Variants in EFNA5 observed in about 807,000 individuals in gnomAD.
EFNA5 encodes the protein ephrin-A5.
A neutral mutation model predicts 22.9 loss-of-function variants in EFNA5; 5 were observed. The ratio of observed to expected loss-of-function variants is 0.22; its 90% CI spans 0.11 to 0.46. The LOEUF (loss-of-function observed/expected upper bound fraction) is 0.46. Ranked by LOEUF, EFNA5 falls within the 20% of genes least tolerant of loss-of-function variation. The pLI is 0.99. For synonymous variants in EFNA5, 113 were observed against 112.2 expected (o/e 1.01, Z -0.04); for missense variants, 237 against 293.3 (o/e 0.81, Z 1.40).
intron 1 of EFNA5, among the ~76,000 whole-genome samples, chr5:107,482,808 CTCTCTGTCTCTCTCTCTG>C (rs1241096594): frequency 1.7e-3 from 155 of 89,226 alleles, no homozygotes; most frequent in African/African-American, 6.5e-3. Context: ...CTCTCTCTCT[CTCTCTGTCTCTCTCTCTG>C]TCTCTGTCTC....
chr5:107,447,328 A>C (rs1322109657), intron 1 of EFNA5, among the ~76,000 whole-genome samples: 2 of 152,232 alleles, frequency 1.3e-5, no homozygotes, highest in African/African-American at 2.4e-5. Context: ...TACGCATTTG[A>C]GCAATATGAT....
chr5:107,427,403 C>T lies in EFNA5; in HGVS notation c.232G>A (p.Val78Ile), dbSNP rs1211054021. ...SVPEDKTERY[V>I]LYMVNFDGYS... ...CCATCAAAGTTCACCATGTAGAGGA[C>T]ATAGCGCTCAGTCTTATCTTCTGGG... Residue 78 changes from valine (V) to isoleucine (I), a missense_variant, in exon 2 of 5, where the codon GTC (valine) becomes ATC (isoleucine). Physicochemically the swap from Val to Ile is conservative, Grantham distance 29. Coordinates refer to ENST00000333274, the MANE Select transcript of EFNA5 (RefSeq NM_001962.3). 1.2e-6 allele frequency: 2 copies of T among 1,613,894 alleles called. No individual in the cohort carries two copies. Among genetic ancestry groups the T allele is most frequent in the African/African-American group, 2.7e-5 (2 of 74,870 alleles).
At chr5:107,609,620 G>C (rs919183024) in intron 1 of EFNA5, among the ~76,000 whole-genome samples, 1 of 152,180 alleles carries the variant, frequency 6.6e-6, no homozygotes, top group Non-Finnish European at 1.5e-5. Flanking sequence ...CACCACCAAA[G>C]TCGCCTCACC....
chr5:107,482,308 C>CA (rs11400186), intron 1 of EFNA5, among the ~76,000 whole-genome samples: 12,676 of 137,114 alleles, frequency 0.092, 1,225 homozygotes, highest in African/African-American at 0.23. Context: ...GATCTTGTCT[C>CA]AAAAAAAAAA....
intron 1 of EFNA5, among the ~76,000 whole-genome samples, chr5:107,505,538 C>T (rs1747234980): frequency 6.6e-6 from 1 of 152,138 alleles, no homozygotes; most frequent in East Asian, 1.9e-4. Flanking sequence ...GAATCTGGCA[C>T]ATATCACTGA....
chr5:107,489,641 G>A (rs1746745191), intron 1 of EFNA5, among the ~76,000 whole-genome samples: 1 of 146,206 alleles, frequency 6.8e-6, no homozygotes, highest in Admixed American at 6.8e-5. Context: ...AGCATTTTGT[G>A]ATTGATTTGA....
chr5:107,490,124 T>C (rs1746761503), intron 1 of EFNA5, among the ~76,000 whole-genome samples: 1 of 152,214 alleles, frequency 6.6e-6, no homozygotes, highest in Non-Finnish European at 1.5e-5. Flanking sequence ...AGGATTATGT[T>C]ATTCCTTGAT....
chr5:107,633,209 C>T (rs1392441183), intron 1 of EFNA5, among the ~76,000 whole-genome samples: 2 of 152,124 alleles, frequency 1.3e-5, no homozygotes, highest in South Asian at 2.1e-4. Flanking sequence ...GGTCCTTTCC[C>T]GAAGTGAACT....
intron 1 of EFNA5, among the ~76,000 whole-genome samples, chr5:107,432,787 C>A (rs1748998285): frequency 6.6e-6 from 1 of 152,098 alleles, no homozygotes; most frequent in African/African-American, 2.4e-5. Flanking sequence ...ATAGTTGACC[C>A]TTGAGCAACA....
At chr5:107,565,928 A>T (rs164972) in intron 1 of EFNA5, among the ~76,000 whole-genome samples, 85,682 of 152,102 alleles carry the variant, frequency 0.56, 26,060 homozygotes, top group African/African-American at 0.81. Context: ...TCATTCAGTG[A>T]CTAAACACAT....
At chr5:107,658,536 G>A (rs959045834) in intron 1 of EFNA5, among the ~76,000 whole-genome samples, 1 of 152,090 alleles carries the variant, frequency 6.6e-6, no homozygotes, top group Non-Finnish European at 1.5e-5. Context: ...AGGCATTCTG[G>A]GCTTCTTAAA....
chr5:107,403,493 A>T (rs1297609167), intron 2 of EFNA5, among the ~76,000 whole-genome samples: 1 of 152,226 alleles, frequency 6.6e-6, no homozygotes, highest in Non-Finnish European at 1.5e-5. Flanking sequence ...TGCCTGGCTC[A>T]CCCGTTGCAG....
chr5:107,565,041 A>G (rs1034931232), intron 1 of EFNA5, among the ~76,000 whole-genome samples: 1 of 152,214 alleles, frequency 6.6e-6, no homozygotes, highest in African/African-American at 2.4e-5. Context: ...ATATGATATC[A>G]TTCCAAAATA....
chr5:107,636,102 T>C (rs1160406896), intron 1 of EFNA5, among the ~76,000 whole-genome samples: 1 of 152,206 alleles, frequency 6.6e-6, no homozygotes, highest in Non-Finnish European at 1.5e-5. Context: ...ACAAAAGGCA[T>C]CTAAAGTTCT....
At chr5:107,649,629 C>A (rs1014156074) in intron 1 of EFNA5, among the ~76,000 whole-genome samples, 1 of 152,056 alleles carries the variant, frequency 6.6e-6, no homozygotes, top group Non-Finnish European at 1.5e-5. Context: ...AGAAAAGAGG[C>A]AGCATTTGAT....
At chr5:107,521,490 T>C (rs1561421057) in intron 1 of EFNA5, among the ~76,000 whole-genome samples, 1 of 144,588 alleles carries the variant, frequency 6.9e-6, no homozygotes, top group African/African-American at 2.6e-5. Flanking sequence ...TTTTTTTTTT[T>C]TGGAGAGACA....
chr5:107,412,379 G>T (rs1468109875), intron 2 of EFNA5, among the ~76,000 whole-genome samples: 5 of 152,154 alleles, frequency 3.3e-5, no homozygotes, highest in Non-Finnish European at 7.4e-5. Flanking sequence ...AGTAGCAGGT[G>T]GGGGAGAGAG....
At chr5:107,453,791 C>T (rs1482694726) in intron 1 of EFNA5, among the ~76,000 whole-genome samples, 1 of 152,118 alleles carries the variant, frequency 6.6e-6, no homozygotes, top group Admixed American at 6.6e-5. Flanking sequence ...TGATATGATT[C>T]AAGAGTGCTC....
intron 1 of EFNA5, among the ~76,000 whole-genome samples, chr5:107,632,162 T>C (rs1224937218): frequency 1.3e-5 from 2 of 152,202 alleles, no homozygotes; most frequent in Non-Finnish European, 2.9e-5. Flanking sequence ...TCTCCTTTCC[T>C]TTCTCTCTTC....
Sources: gnomAD v4.1 joint callset for allele counts (sites outside exome capture counted in the v4.1 genomes callset) on GRCh38, gnomAD v4.1.1 for gene constraint, MANE v1.5 for transcripts, NCBI Gene and HGNC (gene_info 2026-07-23, HGNC 2026-07-21) for gene names.